Variants in PHF14 observed in about 807,000 individuals in gnomAD.
PHF14 encodes the protein PHD finger protein 14.
Under a neutral mutation model 117.9 loss-of-function variants are expected in PHF14, and 55 were observed. The ratio of observed to expected loss-of-function variants is 0.47; its 90% confidence interval spans 0.38 to 0.58. PHF14 has a LOEUF of 0.58. PHF14 is among the 20% of genes least tolerant of loss of function. The pLI is 0.00. For synonymous variants in PHF14, 409 were observed against 368.6 expected (o/e 1.11, Z -1.26); for missense variants, 978 against 1,122.2 (o/e 0.87, Z 1.84).
At chr7:11,073,097 C>G (rs527259151) in intron 16 of PHF14, among the ~76,000 whole-genome samples, 1 of 152,268 alleles carries the variant, frequency 6.6e-6, no homozygotes, top group South Asian at 2.1e-4. Flanking sequence ...CTTGCCCCCC[C>G]TCCCCAGTTT....
chr7:11,160,021 A>G (rs1410297858), intron 17 of PHF14, among the ~76,000 whole-genome samples: 1 of 152,038 alleles, frequency 6.6e-6, no homozygotes, highest in Admixed American at 6.6e-5. Flanking sequence ...CACCCAGGTA[A>G]TGAGCCTAGT....
chr7:11,061,863 T>C (rs1381497417), intron 15 of PHF14, 22 bp downstream of exon 15: 1 of 1,530,064 alleles, frequency 6.5e-7, no homozygotes. Flanking sequence ...TTAAGCACTT[T>C]TACACAGTCT....
rs559555078 is a variant in PHF14, at chr7:11,146,983, A to G, written c.2773-22433A>G. Among the ~76,000 whole-genome samples, 8 of 152,238 alleles carry G rather than the reference A, an allele frequency of 5.3e-5. No homozygotes were observed. In the East Asian group the frequency reaches 1.2e-3, roughly 22 times the overall value. On this transcript the variant is annotated intron_variant, in intron 17 of 17. Coordinates refer to ENST00000634607, the MANE Select transcript of PHF14 (RefSeq NM_001007157.2). ...CTTCTCAGCCTTCTGAGTAGCTGGG[A>G]ATACAGGTGTGTGCCACGACACCTG...
chr7:11,010,190 A>G (rs547759097), intron 4 of PHF14, among the ~76,000 whole-genome samples: 5 of 152,238 alleles, frequency 3.3e-5, no homozygotes, highest in African/African-American at 1.2e-4. Flanking sequence ...GCACATGGAG[A>G]AAATAGATTG....
At chr7:11,087,185 C>T (rs999448909) in intron 16 of PHF14, among the ~76,000 whole-genome samples, 3 of 141,110 alleles carry the variant, frequency 2.1e-5, no homozygotes, top group Non-Finnish European at 3.0e-5. Context: ...ATAGAAAGCA[C>T]TGCCCTTCTT....
chr7:11,156,052 T>C (rs1788837843), intron 17 of PHF14, among the ~76,000 whole-genome samples: 1 of 152,242 alleles, frequency 6.6e-6, no homozygotes, highest in East Asian at 1.9e-4. Flanking sequence ...GATTTGATAC[T>C]TGCCAAGTGG....
At chr7:11,143,533 AT>A (rs1165806099) in intron 17 of PHF14, among the ~76,000 whole-genome samples, 29 of 152,306 alleles carry the variant, frequency 1.9e-4, no homozygotes, top group African/African-American at 6.7e-4. Context: ...CATTTTGGAA[AT>A]AATACATGTT....
At chr7:11,048,369 C>T (rs1583410503) in intron 13 of PHF14, among the ~76,000 whole-genome samples, 1 of 152,082 alleles carries the variant, frequency 6.6e-6, no homozygotes, top group Non-Finnish European at 1.5e-5. Flanking sequence ...GTCAGGAGTT[C>T]AAGACCAGCC....
intron 14 of PHF14, among the ~76,000 whole-genome samples, chr7:11,052,366 T>A (rs572056530): frequency 1.6e-3 from 249 of 152,352 alleles, no homozygotes; most frequent in Non-Finnish European, 2.8e-3. Flanking sequence ...GAATAGATTA[T>A]TACCTAGTTT....
In PHF14 at chr7:11,051,671, A is replaced by G; in HGVS notation, c.2372A>G (p.Glu791Gly). The change falls in exon 14 of 18, where the codon GAA becomes GGA. Residue 791 changes from glutamate (E) to glycine (G), a missense_variant. By Grantham distance (98) the Glu-to-Gly change is moderately conservative (BLOSUM62 -2). Transcript: ENST00000634607. The part of the protein sequence containing the change: ...SSDMEADMAM[E>G]TLPDGTKRSR... Reference sequence around the variant, plus strand: ...GACATGGAAGCAGATATGGCCATGGAAACCCTACCAGATGGAACCAAACGA... The same window carrying G: ...GACATGGAAGCAGATATGGCCATGGGAACCCTACCAGATGGAACCAAACGA... 1 of 1,613,726 alleles carries G rather than the reference A, an allele frequency of 6.2e-7. No individual in the cohort carries two copies. Among genetic ancestry groups the G allele is most frequent in the Non-Finnish European group, 8.5e-7 (1 of 1,179,730 alleles).
chr7:10,991,863 G>C (rs1412270710), intron 4 of PHF14, among the ~76,000 whole-genome samples: 2 of 144,088 alleles, frequency 1.4e-5, no homozygotes, highest in African/African-American at 5.1e-5. Context: ...CTCTCAAAGT[G>C]CTGAGATTAC....
In PHF14 at chr7:10,974,305, A is replaced by T. The variant is rs1309945797; in HGVS notation, c.-19A>T. 4 of 1,588,224 alleles carry T rather than the reference A, an allele frequency of 2.5e-6. No homozygotes were observed. The African/African-American group carries it at 4.0e-5, about 16-fold the overall frequency. On this transcript the variant is annotated 5_prime_UTR_variant, in exon 1 of 18. Transcript: ENST00000634607. ...CCTCTCCCTAAGTCTTCTCCAAACG[A>T]CCACCTCACGGATTCCTTAGTAAGT...
intron 16 of PHF14, chr7:11,109,068 A>G (rs1562470689): frequency 6.6e-6 from 1 of 151,850 alleles, no homozygotes; most frequent in African/African-American, 2.4e-5. Flanking sequence ...GTTAACAAAC[A>G]AAATTGAGCC....
chr7:11,007,687 A>C (rs907764809), intron 4 of PHF14, among the ~76,000 whole-genome samples: 5 of 152,224 alleles, frequency 3.3e-5, no homozygotes, highest in Non-Finnish European at 5.9e-5. Flanking sequence ...AATATTAAAT[A>C]AAATGTGGAA....
intron 16 of PHF14, among the ~76,000 whole-genome samples, chr7:11,101,702 A>G (rs1258770914): frequency 2.0e-5 from 3 of 151,854 alleles, no homozygotes; most frequent in East Asian, 1.9e-4. Flanking sequence ...CTTTTTCTCA[A>G]TGGAACCTAG....
intron 5 of PHF14, among the ~76,000 whole-genome samples, chr7:11,017,989 G>T (rs1479127477): frequency 2.6e-5 from 4 of 152,126 alleles, no homozygotes; most frequent in Admixed American, 6.6e-5. Context: ...TGGATATGCA[G>T]TTTTTCCAGC....
intron 16 of PHF14, among the ~76,000 whole-genome samples, chr7:11,096,916 T>A (rs949796875): frequency 6.6e-5 from 10 of 151,810 alleles, no homozygotes; most frequent in African/African-American, 2.4e-4. Context: ...GTACATTTAA[T>A]CTTAGTACCT....
chr7:11,116,975 C>G (rs1787617656), intron 17 of PHF14, among the ~76,000 whole-genome samples: 1 of 151,878 alleles, frequency 6.6e-6, no homozygotes, highest in African/African-American at 2.4e-5. Flanking sequence ...TAGGACATAG[C>G]TCATGCTTCA....
At chr7:11,133,072 A>G (rs1017877511) in intron 17 of PHF14, among the ~76,000 whole-genome samples, 2 of 151,940 alleles carry the variant, frequency 1.3e-5, no homozygotes, top group Non-Finnish European at 2.9e-5. Flanking sequence ...AATAAATAGA[A>G]AGCTATTCCA....
Sources: gnomAD v4.1 joint callset for allele counts (sites outside exome capture counted in the v4.1 genomes callset) on GRCh38, gnomAD v4.1.1 for gene constraint, MANE v1.5 for transcripts, NCBI Gene and HGNC (gene_info 2026-07-23, HGNC 2026-07-21) for gene names.